The following CNTN5 variants were observed in gnomAD, a reference collection of about 807,000 sequenced individuals.
The protein encoded by CNTN5 is contactin-5.
Under a neutral mutation model 129.1 loss-of-function variants are expected in CNTN5, and 77 were observed. That is an observed-to-expected ratio of 0.60 (90% CI 0.50 to 0.72). The LOEUF (loss-of-function observed/expected upper bound fraction) is 0.72. Ranked by LOEUF, CNTN5 falls within the 30% of genes least tolerant of loss-of-function variation. The pLI, the probability that CNTN5 is intolerant of heterozygous loss-of-function variation, is 0.00. For synonymous variants in CNTN5, 509 were observed against 465.6 expected (o/e 1.09, Z -1.20); for missense variants, 1,478 against 1,328.8 (o/e 1.11, Z -1.75).
chr11:99,539,956 T>C (rs1405367371), intron 2 of CNTN5, among the ~76,000 whole-genome samples: 3 of 152,148 alleles, frequency 2.0e-5, no homozygotes, highest in Non-Finnish European at 4.4e-5. Context: ...TTTCTTCTTT[T>C]GTGAAAGTGT....
Position 99,577,823 on chromosome 11 carries a change from T to TTTATTA in CNTN5, c.55+21571_55+21576dup, listed in dbSNP as rs10677986. 5.1e-3 allele frequency among the ~76,000 whole-genome samples: 748 copies of TTTATTA among 148,006 alleles called. 4 individuals carry two copies. The highest frequency in any genetic ancestry group is 0.027 in the East Asian group (137 of 5,040). ...AGGAATTAATTCTCAAAGATTTTCT[T>TTTATTA]TTATTATTATTATTATTATTATACT... is the stretch of plus-strand genomic sequence containing the variant. On this transcript the variant is annotated intron_variant, in intron 3 of 24. Coordinates refer to ENST00000524871, the MANE Select transcript of CNTN5 (RefSeq NM_014361.4).
chr11:99,250,137 G>C (rs2135788268), intron 1 of CNTN5, among the ~76,000 whole-genome samples: 1 of 152,064 alleles, frequency 6.6e-6, no homozygotes, highest in South Asian at 2.1e-4. Context: ...TAATTGAATA[G>C]ACATGTTGGC....
At chr11:100,011,007 G>T (rs569743323) in intron 9 of CNTN5, among the ~76,000 whole-genome samples, 11 of 152,088 alleles carry the variant, frequency 7.2e-5, no homozygotes, top group African/African-American at 2.7e-4. Flanking sequence ...GCTGAATTTT[G>T]GGATCCCTAG....
intron 1 of CNTN5, among the ~76,000 whole-genome samples, chr11:99,083,922 G>A (rs12362415): frequency 6.6e-6 from 1 of 152,146 alleles, no homozygotes; most frequent in Non-Finnish European, 1.5e-5. Flanking sequence ...TTCTGGCATC[G>A]CATCCCTAGA....
At chr11:99,606,465 A>C (rs1253938383) in intron 3 of CNTN5, among the ~76,000 whole-genome samples, 3 of 145,676 alleles carry the variant, frequency 2.1e-5, no homozygotes, top group Non-Finnish European at 4.5e-5. Flanking sequence ...AACAAATGGA[A>C]GAACATTCCA....
At chr11:99,441,580 G>C (rs964775983) in intron 2 of CNTN5, among the ~76,000 whole-genome samples, 12 of 152,164 alleles carry the variant, frequency 7.9e-5, no homozygotes, top group Non-Finnish European at 1.2e-4. Flanking sequence ...CCTCAAACTA[G>C]CATCTCCTTC....
chr11:100,022,739 G>C (rs1416030970), intron 9 of CNTN5, among the ~76,000 whole-genome samples: 1 of 152,036 alleles, frequency 6.6e-6, no homozygotes, highest in South Asian at 2.1e-4. Context: ...ACTTTTGTAT[G>C]CCTAAGGAAT....
intron 8 of CNTN5, among the ~76,000 whole-genome samples, chr11:99,965,030 G>A (rs11222077): frequency 0.21 from 32,073 of 151,682 alleles, 3,816 homozygotes; most frequent in African/African-American, 0.32. Flanking sequence ...TTTTTATTGC[G>A]TCTATTTGAT....
chr11:99,125,048 T>C (rs558774291), intron 1 of CNTN5, among the ~76,000 whole-genome samples: 1 of 152,102 alleles, frequency 6.6e-6, no homozygotes, highest in South Asian at 2.1e-4. Context: ...AAAAAAAAGC[T>C]GGTACCAATC....
chr11:100,094,243 T>C (rs1285868810), intron 13 of CNTN5, among the ~76,000 whole-genome samples: 2 of 152,090 alleles, frequency 1.3e-5, no homozygotes, highest in Non-Finnish European at 2.9e-5. Flanking sequence ...GTGCTCCCAC[T>C]TGACTGAAAA....
chr11:100,254,342 T>G (rs1418578919), intron 16 of CNTN5, among the ~76,000 whole-genome samples: 2 of 152,184 alleles, frequency 1.3e-5, no homozygotes, highest in Non-Finnish European at 2.9e-5. Flanking sequence ...ATTCTTAAGT[T>G]TAAAAAATGA....
At chr11:100,347,394 A>G (rs1181289941) in intron 23 of CNTN5, among the ~76,000 whole-genome samples, 3 of 152,132 alleles carry the variant, frequency 2.0e-5, no homozygotes, top group Non-Finnish European at 4.4e-5. Context: ...GTTTCCACAA[A>G]TTAAAAAGAC....
At chr11:99,969,404 T>A (rs1216621954) in intron 8 of CNTN5, among the ~76,000 whole-genome samples, 1 of 152,168 alleles carries the variant, frequency 6.6e-6, no homozygotes, top group East Asian at 1.9e-4. Context: ...AACTTTGAGT[T>A]GACTTTTGCA....
At chr11:99,216,527 T>A (rs1464451170) in intron 1 of CNTN5, among the ~76,000 whole-genome samples, 1 of 152,128 alleles carries the variant, frequency 6.6e-6, no homozygotes, top group East Asian at 1.9e-4. Context: ...GCTGTGGAAA[T>A]GCTGGATCAT....
intron 3 of CNTN5, among the ~76,000 whole-genome samples, chr11:99,814,719 A>C: frequency 6.6e-6 from 1 of 152,098 alleles, no homozygotes; most frequent in East Asian, 1.9e-4. Context: ...AAAGAGTGTT[A>C]GGATCAGTAG....
At chr11:99,912,273 A>T (rs1228149443) in intron 6 of CNTN5, among the ~76,000 whole-genome samples, 1 of 152,022 alleles carries the variant, frequency 6.6e-6, no homozygotes, top group Non-Finnish European at 1.5e-5. Context: ...TTAGAGAAAT[A>T]GTGTGAAGTG....
chr11:99,340,025 A>G (rs1029562212), intron 2 of CNTN5, among the ~76,000 whole-genome samples: 5 of 152,196 alleles, frequency 3.3e-5, no homozygotes, highest in Admixed American at 1.3e-4. Flanking sequence ...TCGTGATTTA[A>G]TTTACATTTT....
chr11:100,251,356 T>C (rs1267332049), intron 16 of CNTN5, among the ~76,000 whole-genome samples: 1 of 152,180 alleles, frequency 6.6e-6, no homozygotes, highest in Non-Finnish European at 1.5e-5. Flanking sequence ...TTGGTACATA[T>C]ACTGTACAGT....
intron 13 of CNTN5, among the ~76,000 whole-genome samples, chr11:100,124,077 T>C (rs370442536): frequency 6.6e-6 from 1 of 152,170 alleles, no homozygotes; most frequent in East Asian, 1.9e-4. Context: ...GGTACTGTGC[T>C]AAGCACTTTA....
Sources: gnomAD v4.1 joint callset for allele counts (sites outside exome capture counted in the v4.1 genomes callset) on GRCh38, gnomAD v4.1.1 for gene constraint, MANE v1.5 for transcripts, NCBI Gene and HGNC (gene_info 2026-07-23, HGNC 2026-07-21) for gene names.